PDE1A: variants seen among roughly 807,000 people sequenced by gnomAD.
PDE1A encodes phosphodiesterase 1A, also known as dual specificity calcium/calmodulin-dependent 3',5'-cyclic nucleotide phosphodiesterase 1A.
In PDE1A, 35 loss-of-function variants were observed where a neutral mutation model predicts 61.7. The observed-to-expected ratio is 0.57, with a 90% CI of 0.43 to 0.75. The LOEUF (loss-of-function observed/expected upper bound fraction) is 0.75, where lower values mean the gene tolerates loss of function less well. PDE1A is among the 30% of genes least tolerant of loss of function. PDE1A has a pLI of 0.00. For missense variants in PDE1A, 597 were observed against 630.6 expected, an observed-to-expected ratio of 0.95 and a Z score of 0.57; for synonymous variants, 232 against 213.2, an observed-to-expected ratio of 1.09 and a Z score of -0.77.
chr2:182,490,664 C>G (rs561761981), intron 2 of PDE1A, among the ~76,000 whole-genome samples: 1 of 152,184 alleles, frequency 6.6e-6, no homozygotes, highest in Non-Finnish European at 1.5e-5. Context: ...TGAGCCACCA[C>G]GCCCAGCCAA....
chr2:182,309,327 G>A (rs1481456566), intron 1 of PDE1A, among the ~76,000 whole-genome samples: 1 of 151,958 alleles, frequency 6.6e-6, no homozygotes, highest in East Asian at 1.9e-4. Context: ...ATAACATTGA[G>A]CATACCATCC....
At chr2:182,497,780 C>G (rs912023800) in intron 2 of PDE1A, among the ~76,000 whole-genome samples, 1 of 152,026 alleles carries the variant, frequency 6.6e-6, no homozygotes, top group African/African-American at 2.4e-5. Flanking sequence ...CGGTGGCTCA[C>G]GCCTGTAATC....
chr2:182,233,086 C>T (rs923530227), intron 4 of PDE1A, among the ~76,000 whole-genome samples: 3 of 152,078 alleles, frequency 2.0e-5, no homozygotes, highest in African/African-American at 7.2e-5. Flanking sequence ...TTCTCTCATA[C>T]TAAAATATTT....
In PDE1A at chr2:182,424,224, C is replaced by A. The variant is rs190593597; in HGVS notation, c.53+2354G>T. On this transcript the variant is annotated intron_variant, in intron 1 of 13. Coordinates refer to ENST00000351439, the Ensembl canonical transcript of PDE1A. ...CCTCCCAAAGTGCTGGGATTACAGG[C>A]ATGAGCCACGGCACCCGGCCAAATA... is the stretch of plus-strand genomic sequence containing the variant. Among the ~76,000 whole-genome samples, 1,211 of 152,280 alleles carry A rather than the reference C, an allele frequency of 8.0e-3. 7 individuals are homozygous for A. Among genetic ancestry groups the A allele is most frequent in the Middle Eastern group, 0.024 (7 of 294 alleles).
At chr2:182,560,613 G>C in the PDE1A span, among the ~76,000 whole-genome samples, 3 of 152,060 alleles carry the variant, frequency 2.0e-5, no homozygotes, top group Non-Finnish European at 4.4e-5. Context: ...GGTATTTCTA[G>C]TTCTAGATCC....
At chr2:182,662,057 C>T in the PDE1A span, among the ~76,000 whole-genome samples, 155 of 151,718 alleles carry the variant, frequency 1.0e-3, 2 homozygotes, top group African/African-American at 3.3e-3. Flanking sequence ...AAAAAAACTA[C>T]AAAAAATATG....
At chr2:182,351,378 G>A (rs1698867872) in intron 1 of PDE1A, among the ~76,000 whole-genome samples, 1 of 152,100 alleles carries the variant, frequency 6.6e-6, no homozygotes, top group Non-Finnish European at 1.5e-5. Context: ...TTATCCAAAT[G>A]TCTCAAACTG....
intron 13 of PDE1A, among the ~76,000 whole-genome samples, chr2:182,148,717 C>T (rs1302276410): frequency 1.3e-5 from 2 of 152,208 alleles, no homozygotes; most frequent in African/African-American, 4.8e-5. Flanking sequence ...AGCCGTCTCT[C>T]CTTTGGCTCA....
At chr2:182,152,458 T>C (rs1690841839) in intron 13 of PDE1A, among the ~76,000 whole-genome samples, 1 of 142,232 alleles carries the variant, frequency 7.0e-6, no homozygotes, top group Non-Finnish European at 1.5e-5. Flanking sequence ...CTCGCTCTTG[T>C]TGCCCAGGCT....
intron 1 of PDE1A, among the ~76,000 whole-genome samples, chr2:182,295,046 T>C (rs377062571): frequency 8.6e-6 from 1 of 115,978 alleles, no homozygotes; most frequent in African/African-American, 3.2e-5. Context: ...CCAATCAAAA[T>C]AAAAGGTAAT....
chr2:182,584,426 C>T, the PDE1A span, among the ~76,000 whole-genome samples: 2 of 152,264 alleles, frequency 1.3e-5, no homozygotes, highest in Admixed American at 6.5e-5. Context: ...AGCTCTACCG[C>T]TGACTATCTC....
intron 2 of PDE1A, among the ~76,000 whole-genome samples, chr2:182,246,924 T>C (rs1372217330): frequency 2.6e-5 from 4 of 152,216 alleles, no homozygotes; most frequent in Non-Finnish European, 5.9e-5. Flanking sequence ...ATCCACTGAA[T>C]GGCTATAAAG....
rs923761994 is a variant in PDE1A at position 182,213,035 on chromosome 2, G to C, written c.777-6970C>G. On this transcript the variant is annotated intron_variant, in intron 7 of 13. Coordinates refer to ENST00000351439, the Ensembl canonical transcript of PDE1A. ...TGTCCCTGTCTGACAGCTTTGAAGA[G>C]AGCAGTGGTTCTCCCAGCATGCAGC... Among the ~76,000 whole-genome samples the C allele has an allele frequency of 5.3e-5, 8 of 150,118 alleles. No homozygotes were observed. In the South Asian group the frequency reaches 8.5e-4, roughly 16 times the overall value.
chr2:182,619,357 G>A, the PDE1A span, among the ~76,000 whole-genome samples: 1 of 152,090 alleles, frequency 6.6e-6, no homozygotes, highest in Non-Finnish European at 1.5e-5. Context: ...TCCCTCAGAA[G>A]ATGAGGAAAG....
intron 1 of PDE1A, among the ~76,000 whole-genome samples, chr2:182,268,268 A>G (rs1207639108): frequency 6.6e-6 from 1 of 152,098 alleles, no homozygotes; most frequent in Non-Finnish European, 1.5e-5. Context: ...CAAGCAGTAT[A>G]GACAACTTTG....
intron 1 of PDE1A, among the ~76,000 whole-genome samples, chr2:182,378,323 T>C (rs2125295453): frequency 6.6e-6 from 1 of 152,284 alleles, no homozygotes; most frequent in Non-Finnish European, 1.5e-5. Context: ...AACAAGATTG[T>C]TTCTGGGTGA....
intron 2 of PDE1A, among the ~76,000 whole-genome samples, chr2:182,492,770 T>C (rs1688471668): frequency 6.6e-6 from 1 of 152,220 alleles, no homozygotes; most frequent in African/African-American, 2.4e-5. Flanking sequence ...ATTGTTATAT[T>C]TTTAAAACAA....
chr2:182,310,327 C>T (rs1254787056), intron 1 of PDE1A, among the ~76,000 whole-genome samples: 2 of 151,920 alleles, frequency 1.3e-5, no homozygotes, highest in African/African-American at 4.8e-5. Flanking sequence ...ACAAGATAGG[C>T]AAAGGAAATA....
chr2:182,256,810 A>G (rs994410232), intron 2 of PDE1A, among the ~76,000 whole-genome samples: 3 of 152,238 alleles, frequency 2.0e-5, no homozygotes, highest in Non-Finnish European at 4.4e-5. Flanking sequence ...AACAATGTGA[A>G]CAAAAACATA....
Sources: allele counts gnomAD v4.1 joint callset (sites outside exome capture counted in the v4.1 genomes callset), GRCh38; gene constraint gnomAD v4.1.1; transcripts MANE v1.5; gene names NCBI Gene and HGNC (gene_info 2026-07-23, HGNC 2026-07-21).